THAP6: variants seen among roughly 807,000 people sequenced by gnomAD.
THAP6 encodes THAP domain containing 6, also known as THAP domain-containing protein 6.
In THAP6, 13 loss-of-function variants were observed where a neutral mutation model predicts 20.0. That is an observed-to-expected ratio of 0.65 (90% CI 0.42 to 1.03). The LOEUF is 1.03. Ranked by LOEUF, THAP6 falls within the 50% of genes least tolerant of loss-of-function variation. The probability of loss-of-function intolerance (pLI) is 0.00; values close to 1 mark genes in which losing one functional copy is unlikely to be tolerated. For missense variants in THAP6, 262 were observed against 261.6 expected (o/e 1.00, Z -0.01); for synonymous variants, 93 against 92.2 (o/e 1.01, Z -0.05).
Position 75,527,325 on chromosome 4 carries a change from T to G in THAP6, c.*111T>G. On this transcript the variant is annotated 3_prime_UTR_variant, in exon 5 of 5. Coordinates refer to ENST00000311638, the MANE Select transcript of THAP6 (RefSeq NM_144721.6). ...TCATTTAAAGTGCTGCTTTGGATTCTCTGGAGCATTATGCATTATAGTTGT... is the reference window on the plus strand; with the variant it reads ...TCATTTAAAGTGCTGCTTTGGATTCGCTGGAGCATTATGCATTATAGTTGT... The G allele has an allele frequency of 6.6e-7, 1 of 1,509,212 alleles. No homozygotes were observed. Among genetic ancestry groups the G allele is most frequent in the Non-Finnish European group, 8.8e-7 (1 of 1,131,636 alleles). The allele number at this position is 1,509,212 out of a possible 1,614,324, so 93.5% of individuals were successfully genotyped here. A position where few individuals can be genotyped will look rare whatever the true frequency, so the allele number is the denominator to read the frequency against.
intron 3 of THAP6, 95 bp from the exon 4 acceptor site, chr4:75,521,641 G>A (rs1726034247): frequency 8.0e-7 from 1 of 1,246,374 alleles, no homozygotes; most frequent in Non-Finnish European, 1.1e-6. Context: ...AAGAAATGTG[G>A]TATTAACTTC....
Position 75,516,971 on chromosome 4 carries a change from C to T in THAP6, c.280C>T (p.His94Tyr), listed in dbSNP as rs764821469. The T allele has an allele frequency of 2.5e-6, 4 of 1,589,460 alleles. No homozygotes were observed. Among genetic ancestry groups the T allele is most frequent in the Admixed American group, 3.3e-5 (2 of 59,826 alleles). The change falls in exon 3 of 5, where the codon CAC becomes TAC. Residue 94 changes from histidine to tyrosine, a missense_variant. Physicochemically the swap from His to Tyr is moderately conservative, Grantham distance 83. Coordinates refer to ENST00000311638, the MANE Select transcript of THAP6 (RefSeq NM_144721.6). ...VIPSIFDSPY[H>Y]LQGKREKLHC... ...ACCTTCTATCTTTGATTCTCCATAT[C>T]ACCTACAGGTTTGTTTATGAGATAC...
At chr4:75,518,237 A>G (rs780376625) in intron 3 of THAP6, among the ~76,000 whole-genome samples, 1 of 152,214 alleles carries the variant, frequency 6.6e-6, no homozygotes, top group African/African-American at 2.4e-5. Flanking sequence ...ACTTTCAAAA[A>G]CTATTGATTT....
chr4:75,529,376 AC>A lies in THAP6; in HGVS notation c.*2163del. On this transcript the variant is annotated 3_prime_UTR_variant, in exon 5 of 5. Coordinates refer to ENST00000311638, the MANE Select transcript of THAP6 (RefSeq NM_144721.6). ...TATCAAAATTGCCACAGTCACTTTT[AC>A]TACTTGTGTTCATAGTAGACTCAGC... 1.0e-6 allele frequency: 1 copy of A among 985,460 alleles called. No homozygotes were observed. The highest frequency in any genetic ancestry group is 1.2e-6 in the Non-Finnish European group (1 of 829,948). The allele number at this position is 985,460 out of a possible 1,614,324, so 61.0% of individuals were successfully genotyped here. A position where few individuals can be genotyped will look rare whatever the true frequency, so the allele number is the denominator to read the frequency against.
chr4:75,543,463 C>T (rs1482177738), intron 3 of THAP6, among the ~76,000 whole-genome samples: 1 of 152,216 alleles, frequency 6.6e-6, no homozygotes, highest in African/African-American at 2.4e-5. Context: ...GTATGTTCCT[C>T]ACAACTTCAA....
rs1028205355 is a variant in THAP6 at position 75,515,373 on chromosome 4, G to A, written c.-20-60G>A. On this transcript the variant is annotated intron_variant, in intron 1 of 4. Coordinates refer to ENST00000311638, the MANE Select transcript of THAP6 (RefSeq NM_144721.6). Reference sequence around the variant, plus strand: ...TGTGTTTCCTAAAACACCGGGAAAGGGAAAATATTCCCCTTCAGCTTTCCG... The same window carrying A: ...TGTGTTTCCTAAAACACCGGGAAAGAGAAAATATTCCCCTTCAGCTTTCCG... 9.4e-6 allele frequency: 14 copies of A among 1,493,802 alleles called. No individual in the cohort carries two copies. In the African/African-American group the frequency reaches 1.1e-4, roughly 12 times the overall value. 92.5% of individuals were successfully genotyped at this position (1,493,802 alleles called of 1,614,324 possible). A position where few individuals can be genotyped will look rare whatever the true frequency, so the allele number is the denominator to read the frequency against.
rs554518567 is a variant in THAP6 at position 75,529,009 on chromosome 4, C to T, written c.*1795C>T. The T allele has an allele frequency of 6.9e-5, 44 of 638,504 alleles. No individual in the cohort carries two copies. The highest frequency in any genetic ancestry group is 1.2e-4 in the African/African-American group (6 of 50,230). The allele number at this position is 638,504 out of a possible 1,614,324, so 39.6% of individuals were successfully genotyped here. A position where few individuals can be genotyped will look rare whatever the true frequency, so the allele number is the denominator to read the frequency against. The stretch of plus-strand genomic sequence containing the variant: ...CGGAGATTGCAGTGAGCCAAGATCA[C>T]GCCGTTGCACTCCAGCCTGAGCAAC... On this transcript the variant is annotated 3_prime_UTR_variant, in exon 5 of 5. Coordinates refer to ENST00000311638, the MANE Select transcript of THAP6 (RefSeq NM_144721.6).
At chr4:75,523,982 T>C (rs1726204837) in intron 4 of THAP6, among the ~76,000 whole-genome samples, 1 of 152,160 alleles carries the variant, frequency 6.6e-6, no homozygotes, top group African/African-American at 2.4e-5. Flanking sequence ...TTTCTGCATA[T>C]GGATATCCAG....
intron 2 of THAP6, among the ~76,000 whole-genome samples, chr4:75,541,576 A>C (rs1290170563): frequency 2.6e-5 from 4 of 152,108 alleles, no homozygotes; most frequent in Non-Finnish European, 1.5e-5. Context: ...ACATGAAAGA[A>C]AGAGAGATGA....
At chr4:75,531,972 G>C (rs186225088), downstream of THAP6, among the ~76,000 whole-genome samples, 1 of 151,968 alleles carries the variant, frequency 6.6e-6, no homozygotes, top group East Asian at 1.9e-4. Flanking sequence ...GAGCCAAACC[G>C]TGTCATTCCG....
At chr4:75,515,954 T>C in intron 2 of THAP6, among the ~76,000 whole-genome samples, 1 of 152,248 alleles carries the variant, frequency 6.6e-6, no homozygotes, top group Non-Finnish European at 1.5e-5. Context: ...CCAAGGGATC[T>C]TTAGCTGTGT....
In THAP6 at chr4:75,521,788, C is replaced by T. The variant is rs1726049600; in HGVS notation, c.341C>T (p.Pro114Leu). ...AAAAACTTCACCCTCAAAACCGTTC[C>T]AGCCACTAACTACAATCACCATCTT... ...CRKNFTLKTVPATNYNHHLVG... is the reference protein window; with the variant it reads ...CRKNFTLKTVLATNYNHHLVG... The change falls in exon 4 of 5, where the codon CCA becomes CTA. Residue 114 changes from proline to leucine, a missense_variant. Pro to Leu is a moderately conservative substitution (Grantham distance 98, BLOSUM62 -3). Transcript: ENST00000311638. 6.2e-7 allele frequency: 1 copy of T among 1,613,318 alleles called. No homozygotes were observed. The highest frequency in any genetic ancestry group is 8.5e-7 in the Non-Finnish European group (1 of 1,179,530).
Position 75,527,813 on chromosome 4 carries a change from C to G in THAP6, c.*599C>G. 4 of 985,992 alleles carry G rather than the reference C, an allele frequency of 4.1e-6. No individual in the cohort carries two copies. In the South Asian group the frequency reaches 1.9e-4, roughly 46 times the overall value. The allele number at this position is 985,992 out of a possible 1,614,324, so 61.1% of individuals were successfully genotyped here. Reference sequence around the variant, plus strand: ...GTTCACAGCCAATTTAAGAAGACCCCTCATGAAGTCTCAGTTTTCAGTACA... The same window carrying G: ...GTTCACAGCCAATTTAAGAAGACCCGTCATGAAGTCTCAGTTTTCAGTACA... On this transcript the variant is annotated 3_prime_UTR_variant, in exon 5 of 5. Transcript: ENST00000311638.
chr4:75,523,200 G>A (rs1726141565), intron 4 of THAP6, among the ~76,000 whole-genome samples: 2 of 152,194 alleles, frequency 1.3e-5, no homozygotes, highest in South Asian at 4.1e-4. Flanking sequence ...GATGATCAGT[G>A]ATAATGCGTA....
intron 4 of THAP6, among the ~76,000 whole-genome samples, chr4:75,524,225 G>A (rs1017011810): frequency 2.6e-5 from 4 of 151,960 alleles, no homozygotes; most frequent in African/African-American, 7.3e-5. Context: ...GTATACTTTC[G>A]TTTTTCCTTT....
In THAP6 at chr4:75,527,501, G is replaced by T. The variant is rs753731178; in HGVS notation, c.*287G>T. ...GAAAATTTCACAGAGCTAAAGAAAT[G>T]ATGTCAAATTAGTCACATTAAGCTA... On this transcript the variant is annotated 3_prime_UTR_variant, in exon 5 of 5. Transcript: ENST00000311638. 2.5e-4 allele frequency: 293 copies of T among 1,192,496 alleles called. No homozygotes were observed. Among genetic ancestry groups the T allele is most frequent in the Non-Finnish European group, 2.9e-4 (279 of 958,644 alleles). The allele number at this position is 1,192,496 out of a possible 1,614,324, so 73.9% of individuals were successfully genotyped here.
Position 75,524,448 on chromosome 4 carries a change from C to T in THAP6, c.415-2512C>T, listed in dbSNP as rs150130168. Among the ~76,000 whole-genome samples, 296 of 152,138 alleles carry T rather than the reference C, an allele frequency of 1.9e-3. 1 individual carries two copies. In the Middle Eastern group the frequency reaches 0.031, roughly 16 times the overall value. On this transcript the variant is annotated intron_variant, in intron 4 of 4. Coordinates refer to ENST00000311638, the MANE Select transcript of THAP6 (RefSeq NM_144721.6). ...ATATTTCCACCTGTTATCATTTTGCCTACAGGACTTACTTTAACATTTCCT... is the reference window on the plus strand; with the variant it reads ...ATATTTCCACCTGTTATCATTTTGCTTACAGGACTTACTTTAACATTTCCT...
At position 75,515,552 on chromosome 4, in the gene THAP6, A is replaced by G. The variant is rs753202477; in HGVS notation, c.80+20A>G. On this transcript the variant is annotated intron_variant, in intron 2 of 4. Coordinates refer to ENST00000311638, the MANE Select transcript of THAP6 (RefSeq NM_144721.6). ...TCACGTGTAAGATTTTGCTGTAGTT[A>G]AGCCAAATACTTTGGCCATGTTATA... 3.7e-6 allele frequency: 6 copies of G among 1,611,334 alleles called. No individual in the cohort carries two copies. Among genetic ancestry groups the G allele is most frequent in the South Asian group, 1.1e-5 (1 of 91,040 alleles).
chr4:75,543,870 A>AT (rs1387855867), intron 3 of THAP6, among the ~76,000 whole-genome samples: 1 of 152,246 alleles, frequency 6.6e-6, no homozygotes, highest in Non-Finnish European at 1.5e-5. Context: ...GGGGAACAGC[A>AT]TAGAAGTATT....
Sources: gnomAD v4.1 joint callset for allele counts (sites outside exome capture counted in the v4.1 genomes callset) on GRCh38, gnomAD v4.1.1 for gene constraint, MANE v1.5 for transcripts, NCBI Gene and HGNC (gene_info 2026-07-23, HGNC 2026-07-21) for gene names.